MARCHF5: variants seen among roughly 807,000 people sequenced by gnomAD.
MARCHF5 encodes the protein membrane associated ring-CH-type finger 5.
MARCHF5 carries 5 observed loss-of-function variants against 36.5 expected under a neutral mutation model. The observed-to-expected ratio is 0.14, with a 90% CI of 0.07 to 0.29. The LOEUF (loss-of-function observed/expected upper bound fraction) is 0.29, where lower values mean the gene tolerates loss of function less well. Ranked by LOEUF, MARCHF5 falls within the 10% of genes least tolerant of loss-of-function variation. The pLI, the probability that MARCHF5 is intolerant of heterozygous loss-of-function variation, is 1.00. For synonymous variants in MARCHF5, 103 were observed against 109.9 expected, an observed-to-expected ratio of 0.94 and a Z score of 0.39; for missense variants, 179 against 336.3, an observed-to-expected ratio of 0.53 and a Z score of 3.66.
At chr10:92,322,136 T>G (rs1843295174) in intron 2 of MARCHF5, among the ~76,000 whole-genome samples, 2 of 148,306 alleles carry the variant, frequency 1.3e-5, no homozygotes, top group Non-Finnish European at 3.0e-5. Flanking sequence ...CCCAGCTACT[T>G]GGGAGGCTGA....
At chr10:92,293,781 C>CA (rs1261520953) in intron 1 of MARCHF5, among the ~76,000 whole-genome samples, 51 of 144,480 alleles carry the variant, frequency 3.5e-4, no homozygotes, top group South Asian at 8.8e-4. Context: ...AACTCCATCT[C>CA]AAAAAAAAAA....
chr10:92,331,869 TTATATATAATCATATA>T (rs1564950960), intron 2 of MARCHF5, among the ~76,000 whole-genome samples: 2 of 138,424 alleles, frequency 1.4e-5, no homozygotes, highest in South Asian at 4.4e-4. Context: ...ATATATGTTT[TTATATATAATCATATA>T]TATGTATATA....
intron 2 of MARCHF5, 112 bp from the exon 3 acceptor site, chr10:92,340,561 G>C (rs1590666227): frequency 1.0e-6 from 1 of 983,876 alleles, no homozygotes; most frequent in East Asian, 2.6e-5. Flanking sequence ...GACAAAGTGA[G>C]ACCCTGTGTC....
At chr10:92,291,747 T>A in intron 1 of MARCHF5, 1 of 235,032 alleles carries the variant, frequency 4.3e-6, no homozygotes, top group Non-Finnish European at 6.9e-6. Context: ...AGCTAAGGAG[T>A]GGCGTCTGGT....
At chr10:92,314,748 GC>G (rs869277487) in intron 2 of MARCHF5, among the ~76,000 whole-genome samples, 1 of 10,664 alleles carries the variant, frequency 9.4e-5, no homozygotes, top group East Asian at 2.4e-3. Flanking sequence ...GCTTCCCCCC[GC>G]CCCCCCCCGC....
chr10:92,294,057 G>A (rs1241745559), intron 1 of MARCHF5, among the ~76,000 whole-genome samples: 1 of 151,958 alleles, frequency 6.6e-6, no homozygotes, highest in Non-Finnish European at 1.5e-5. Flanking sequence ...AGACCAATAA[G>A]ATCAAAAATT....
chr10:92,314,846 G>T (rs989887316), intron 2 of MARCHF5, among the ~76,000 whole-genome samples: 1 of 148,898 alleles, frequency 6.7e-6, no homozygotes. Flanking sequence ...CTCCCAAAGT[G>T]CTAGGATCAC....
At chr10:92,323,970 GC>G (rs922821944) in intron 2 of MARCHF5, among the ~76,000 whole-genome samples, 7 of 152,218 alleles carry the variant, frequency 4.6e-5, no homozygotes, top group Non-Finnish European at 1.0e-4. Flanking sequence ...TTTGTAAGAA[GC>G]CTTGAAACTA....
chr10:92,345,475 C>T (rs564164938), intron 3 of MARCHF5, among the ~76,000 whole-genome samples: 11 of 152,072 alleles, frequency 7.2e-5, no homozygotes, highest in South Asian at 4.2e-4. Flanking sequence ...CCAGCCTGGG[C>T]GACAGAGCAA....
At chr10:92,347,004 A>T (rs1448428334) in intron 3 of MARCHF5, among the ~76,000 whole-genome samples, 1 of 152,182 alleles carries the variant, frequency 6.6e-6, no homozygotes. Context: ...ATATTTAGTT[A>T]TAATGTTAGA....
intron 1 of MARCHF5, among the ~76,000 whole-genome samples, chr10:92,298,470 A>G (rs1313158652): frequency 6.6e-6 from 1 of 152,186 alleles, no homozygotes; most frequent in Non-Finnish European, 1.5e-5. Flanking sequence ...TGTATACAGT[A>G]TTGCCAATCA....
chr10:92,336,758 C>T (rs898206689), intron 2 of MARCHF5, among the ~76,000 whole-genome samples: 2 of 151,922 alleles, frequency 1.3e-5, no homozygotes, highest in Non-Finnish European at 2.9e-5. Context: ...AATAGTGAGA[C>T]TCCATGTCTA....
chr10:92,332,930 C>G (rs1843454672), intron 2 of MARCHF5, among the ~76,000 whole-genome samples: 2 of 151,988 alleles, frequency 1.3e-5, no homozygotes, highest in Admixed American at 1.3e-4. Context: ...TTTGGGAGGG[C>G]AAGGCGGGCG....
chr10:92,346,320 A>G (rs373589749), intron 3 of MARCHF5, among the ~76,000 whole-genome samples: 4 of 152,074 alleles, frequency 2.6e-5, no homozygotes, highest in Admixed American at 2.0e-4. Context: ...CATCTGTTTA[A>G]CCTGCCATTT....
intron 2 of MARCHF5, among the ~76,000 whole-genome samples, chr10:92,330,681 G>A (rs1292508816): frequency 1.3e-5 from 2 of 152,088 alleles, no homozygotes; most frequent in Non-Finnish European, 2.9e-5. Flanking sequence ...TGCCCTTTTG[G>A]GGTGACCATA....
intron 3 of MARCHF5, 40 bp from the exon 4 acceptor site, chr10:92,349,309 G>GA: frequency 7.0e-7 from 1 of 1,437,406 alleles, no homozygotes; most frequent in South Asian, 1.5e-5. Context: ...CACCTCATTT[G>GA]AAAAAGAAGT....
chr10:92,306,970 C>A (rs1843080725), intron 1 of MARCHF5, among the ~76,000 whole-genome samples: 1 of 152,076 alleles, frequency 6.6e-6, no homozygotes, highest in South Asian at 2.1e-4. Flanking sequence ...GTCAAGATTG[C>A]ACCACTGCAC....
chr10:92,335,185 T>G (rs946501337), intron 2 of MARCHF5, among the ~76,000 whole-genome samples: 1 of 152,246 alleles, frequency 6.6e-6, no homozygotes, highest in African/African-American at 2.4e-5. Flanking sequence ...GGCTGCTGTC[T>G]TGCCTTTTTC....
chr10:92,328,813 ATATATATAT>A (rs1244476942), intron 2 of MARCHF5, among the ~76,000 whole-genome samples: 3 of 67,028 alleles, frequency 4.5e-5, no homozygotes, highest in African/African-American at 1.2e-4. Context: ...ATATATATAT[ATATATATAT>A]TTTTTTTTTT....
Sources: allele counts gnomAD v4.1 joint callset (sites outside exome capture counted in the v4.1 genomes callset), GRCh38; gene constraint gnomAD v4.1.1; transcripts MANE v1.5; gene names NCBI Gene and HGNC (gene_info 2026-07-23, HGNC 2026-07-21).